The following MARCHF8 variants were observed in gnomAD, a reference collection of about 807,000 sequenced individuals.
The protein encoded by MARCHF8 is membrane associated ring-CH-type finger 8.
In MARCHF8, 40 loss-of-function variants were observed where a neutral mutation model predicts 51.6. The observed-to-expected ratio is 0.77, with a 90% CI of 0.60 to 1.01. The LOEUF (loss-of-function observed/expected upper bound fraction) is 1.01, where lower values mean the gene tolerates loss of function less well. MARCHF8 is among the 50% of genes least tolerant of loss of function. The pLI is 0.00. For synonymous variants in MARCHF8, 263 were observed against 280.3 expected, an observed-to-expected ratio of 0.94 and a Z score of 0.62; for missense variants, 685 against 708.6, an observed-to-expected ratio of 0.97 and a Z score of 0.38.
intron 1 of MARCHF8, among the ~76,000 whole-genome samples, chr10:45,560,261 T>A (rs2044294815): frequency 6.6e-6 from 1 of 152,164 alleles, no homozygotes; most frequent in Admixed American, 6.5e-5. Flanking sequence ...TGCAGAACGA[T>A]GCAAACCTTC....
intron 3 of MARCHF8, among the ~76,000 whole-genome samples, chr10:45,475,231 T>C (rs1317745154): frequency 1.3e-5 from 2 of 152,138 alleles, no homozygotes; most frequent in East Asian, 3.9e-4. Context: ...AAGGACAAAG[T>C]GAGCAAAGTG....
At chr10:45,467,456 T>C (rs893695622) in intron 3 of MARCHF8, among the ~76,000 whole-genome samples, 1 of 152,158 alleles carries the variant, frequency 6.6e-6, no homozygotes, top group African/African-American at 2.4e-5. Context: ...AACCAATCCA[T>C]AGGCAGAATG....
At chr10:45,472,931 T>C (rs990445436) in intron 3 of MARCHF8, among the ~76,000 whole-genome samples, 3 of 152,256 alleles carry the variant, frequency 2.0e-5, no homozygotes, top group Non-Finnish European at 4.4e-5. Context: ...TATCCTGTTT[T>C]GGGACAGCTG....
chr10:45,462,026 C>T (rs1404689727), intron 5 of MARCHF8: 1 of 152,214 alleles, frequency 6.6e-6, no homozygotes, highest in Non-Finnish European at 1.5e-5. Context: ...TTTGAAAGCA[C>T]TCTCTATTTC....
chr10:45,470,129 T>G (rs915198098), intron 3 of MARCHF8, among the ~76,000 whole-genome samples: 1 of 152,222 alleles, frequency 6.6e-6, no homozygotes, highest in African/African-American at 2.4e-5. Context: ...GGTGTGTTGC[T>G]ATGTAAACAA....
chr10:45,512,638 C>T (rs1256490887), intron 2 of MARCHF8, among the ~76,000 whole-genome samples: 4 of 150,282 alleles, frequency 2.7e-5, no homozygotes, highest in African/African-American at 7.4e-5. Flanking sequence ...CCGCCCCGTC[C>T]GGGAGGTGAG....
At chr10:45,557,926 A>C (rs2044270245) in intron 1 of MARCHF8, among the ~76,000 whole-genome samples, 1 of 152,236 alleles carries the variant, frequency 6.6e-6, no homozygotes, top group African/African-American at 2.4e-5. Flanking sequence ...AAATATGCTT[A>C]TGCAGGCCTG....
intron 2 of MARCHF8, among the ~76,000 whole-genome samples, chr10:45,514,382 C>T (rs1250213385): frequency 1.3e-5 from 2 of 152,260 alleles, no homozygotes; most frequent in African/African-American, 4.8e-5. Flanking sequence ...CTCAGTGCAG[C>T]GCTTCCCCGC....
intron 3 of MARCHF8, among the ~76,000 whole-genome samples, chr10:45,477,451 G>A (rs771613495): frequency 5.3e-5 from 8 of 152,058 alleles, no homozygotes; most frequent in African/African-American, 9.7e-5. Flanking sequence ...GGACTCAAAC[G>A]TTACCACTAC....
At chr10:45,500,744 G>A (rs1469707102) in intron 2 of MARCHF8, among the ~76,000 whole-genome samples, 1 of 152,042 alleles carries the variant, frequency 6.6e-6, no homozygotes, top group Non-Finnish European at 1.5e-5. Flanking sequence ...ATCTGCACAT[G>A]ACATGAATGC....
chr10:45,550,206 CG>C (rs1340524810), intron 1 of MARCHF8, among the ~76,000 whole-genome samples: 1 of 152,002 alleles, frequency 6.6e-6, no homozygotes. Flanking sequence ...CTTTATAATA[CG>C]GGGAAAAAGG....
At chr10:45,542,739 C>T (rs1037421865) in intron 1 of MARCHF8, among the ~76,000 whole-genome samples, 8 of 152,056 alleles carry the variant, frequency 5.3e-5, no homozygotes, top group Non-Finnish European at 1.0e-4. Flanking sequence ...TGAAGGTATT[C>T]TGAAGAATTC....
chr10:45,580,059 T>C (rs1042401004), intron 1 of MARCHF8, among the ~76,000 whole-genome samples: 1 of 144,210 alleles, frequency 6.9e-6, no homozygotes, highest in African/African-American at 2.5e-5. Context: ...CATGACACTA[T>C]CTGAAAGAAA....
At position 45,482,940 on chromosome 10, in the gene MARCHF8, G is replaced by T. The variant is rs187236544; in HGVS notation, c.153+6427C>A. 9.2e-5 allele frequency among the ~76,000 whole-genome samples: 14 copies of T among 152,258 alleles called. No individual in the cohort carries two copies. The East Asian group carries it at 2.7e-3, about 29-fold the overall frequency. On this transcript the variant is annotated intron_variant, in intron 3 of 7. Coordinates refer to ENST00000453424, the MANE Select transcript of MARCHF8 (RefSeq NM_001282866.2). ...TGCTGGGAAAATGAGAGATCCATACGCAGATGAATGAAACTGAAGCCCTCT... is the reference window on the plus strand; with the variant it reads ...TGCTGGGAAAATGAGAGATCCATACTCAGATGAATGAAACTGAAGCCCTCT...
At chr10:45,532,966 ATTC>A (rs2043911611) in intron 2 of MARCHF8, 141 bp downstream of exon 2, 1 of 527,510 alleles carries the variant, frequency 1.9e-6, no homozygotes, top group Admixed American at 4.2e-5. Context: ...CAAAAAGACA[ATTC>A]CTTCTGAGTA....
intron 3 of MARCHF8, among the ~76,000 whole-genome samples, chr10:45,476,877 C>A (rs71494788): frequency 2.0e-5 from 3 of 151,726 alleles, no homozygotes; most frequent in Non-Finnish European, 4.4e-5. Flanking sequence ...ATGAAATGAC[C>A]AAATATTCAA....
At chr10:45,471,088 T>C (rs1011641151) in intron 3 of MARCHF8, among the ~76,000 whole-genome samples, 2 of 152,148 alleles carry the variant, frequency 1.3e-5, no homozygotes, top group Admixed American at 6.5e-5. Flanking sequence ...AGTAAGTATA[T>C]ACAATATACT....
At chr10:45,523,024 GTGC>G (rs2043734164) in intron 2 of MARCHF8, among the ~76,000 whole-genome samples, 1 of 152,102 alleles carries the variant, frequency 6.6e-6, no homozygotes. Context: ...AAATATGTGT[GTGC>G]AGTCTATATT....
At chr10:45,507,241 G>GA (rs201918909) in intron 2 of MARCHF8, among the ~76,000 whole-genome samples, 9,182 of 150,796 alleles carry the variant, frequency 0.061, 458 homozygotes, top group Admixed American at 0.17. Flanking sequence ...GTTTATTAAG[G>GA]AAAAAAAAAT....
Sources: gnomAD v4.1 joint callset for allele counts (sites outside exome capture counted in the v4.1 genomes callset) on GRCh38, gnomAD v4.1.1 for gene constraint, MANE v1.5 for transcripts, NCBI Gene and HGNC (gene_info 2026-07-23, HGNC 2026-07-21) for gene names.